Variants in FLI1 observed in about 807,000 individuals in gnomAD.
FLI1 encodes the protein Friend leukemia integration 1 transcription factor.
In FLI1, 13 loss-of-function variants were observed where a neutral mutation model predicts 53.1. The observed-to-expected ratio is 0.24, with a 90% confidence interval of 0.16 to 0.39. The LOEUF (loss-of-function observed/expected upper bound fraction) is 0.39, where lower values mean the gene tolerates loss of function less well. Ranked by LOEUF, FLI1 falls within the 10% of genes least tolerant of loss-of-function variation. The pLI is 1.00. For synonymous variants in FLI1, 244 were observed against 236.7 expected, an observed-to-expected ratio of 1.03 and a Z score of -0.28; for missense variants, 424 against 600.5, an observed-to-expected ratio of 0.71 and a Z score of 3.07.
chr11:128,748,362 G>A, intron 1 of FLI1: 12 of 623,450 alleles, frequency 1.9e-5, no homozygotes, highest in Non-Finnish European at 2.4e-5. Context: ...GTCAGCCGGG[G>A]TCCAGGCACG....
chr11:128,686,847 G>C, intron 1 of FLI1: 1 of 217,624 alleles, frequency 4.6e-6, no homozygotes. Context: ...AAGCTAGGGC[G>C]CTCCTGGCCA....
intron 8 of FLI1, 21 bp downstream of exon 8, chr11:128,809,225 A>C (rs1363400979): frequency 6.2e-7 from 1 of 1,612,052 alleles, no homozygotes; most frequent in Admixed American, 1.7e-5. Context: ...CTTGGCCTGC[A>C]AGCCTTTTTT....
chr11:128,755,229 G>A (rs985560865), intron 1 of FLI1, among the ~76,000 whole-genome samples: 7 of 152,092 alleles, frequency 4.6e-5, no homozygotes, highest in South Asian at 2.1e-4. Context: ...CCTGCCTCCC[G>A]GGCTTCTTTG....
chr11:128,766,259 C>T (rs958430089), intron 2 of FLI1, among the ~76,000 whole-genome samples: 2 of 152,160 alleles, frequency 1.3e-5, no homozygotes, highest in East Asian at 1.9e-4. Context: ...AAGGGCCAAA[C>T]GCTGGTGAAA....
intron 1 of FLI1, among the ~76,000 whole-genome samples, chr11:128,708,223 CCTT>C (rs1208019271): frequency 1.3e-5 from 2 of 152,196 alleles, no homozygotes; most frequent in African/African-American, 2.4e-5. Flanking sequence ...ACACAAGAAT[CCTT>C]CTTACTGTGG....
At chr11:128,749,758 T>C (rs1030861838) in intron 1 of FLI1, among the ~76,000 whole-genome samples, 2 of 152,240 alleles carry the variant, frequency 1.3e-5, no homozygotes, top group Non-Finnish European at 2.9e-5. Flanking sequence ...TCCCACCTTC[T>C]TCCTTATCCA....
Position 128,694,133 on chromosome 11 carries a change from G to C in FLI1, c.-126G>C, listed in dbSNP as rs1057464718. 5.2e-5 allele frequency: 52 copies of C among 993,556 alleles called. No homozygotes were observed. Among genetic ancestry groups the C allele is most frequent in the Non-Finnish European group, 7.1e-6 (5 of 704,942 alleles). The allele number at this position is 993,556 out of a possible 1,614,324, so 61.5% of individuals were successfully genotyped here. Reference sequence around the variant, plus strand: ...GGAGTGAGGGCAGGGCGCTCGCAGGGGGCACGCAGGGAGGGCCCAGGGCGC... The same window carrying C: ...GGAGTGAGGGCAGGGCGCTCGCAGGCGGCACGCAGGGAGGGCCCAGGGCGC... On this transcript the variant is annotated 5_prime_UTR_variant, in exon 1 of 9. Coordinates refer to ENST00000527786, the MANE Select transcript of FLI1 (RefSeq NM_002017.5).
chr11:128,743,262 G>T (rs1268599655), intron 1 of FLI1, among the ~76,000 whole-genome samples: 1 of 152,080 alleles, frequency 6.6e-6, no homozygotes, highest in Non-Finnish European at 1.5e-5. Context: ...AGCTGGCATG[G>T]TGGTGTGTGC....
intron 1 of FLI1, among the ~76,000 whole-genome samples, chr11:128,707,208 A>T (rs1938583059): frequency 6.6e-6 from 1 of 152,180 alleles, no homozygotes; most frequent in Non-Finnish European, 1.5e-5. Context: ...CAAGTTCATG[A>T]ACAGTCAGGA....
At chr11:128,801,501 C>T (rs1420202343) in intron 5 of FLI1, among the ~76,000 whole-genome samples, 1 of 152,228 alleles carries the variant, frequency 6.6e-6, no homozygotes, top group East Asian at 1.9e-4. Flanking sequence ...GAGCAGCATT[C>T]AGGCCTTGAC....
At chr11:128,778,194 G>C (rs145542635) in intron 4 of FLI1, among the ~76,000 whole-genome samples, 7 of 152,232 alleles carry the variant, frequency 4.6e-5, no homozygotes, top group African/African-American at 1.7e-4. Flanking sequence ...AAATAACCAA[G>C]TAGGCAAATC....
chr11:128,736,739 G>A (rs1482106885), intron 1 of FLI1, among the ~76,000 whole-genome samples: 1 of 152,194 alleles, frequency 6.6e-6, no homozygotes, highest in Non-Finnish European at 1.5e-5. Flanking sequence ...CTGCTGTTTT[G>A]TATATGTGTG....
chr11:128,711,323 T>G (rs1938776339), intron 1 of FLI1, among the ~76,000 whole-genome samples: 1 of 152,242 alleles, frequency 6.6e-6, no homozygotes. Flanking sequence ...GAGTCAGCAA[T>G]GTGTTGTCCA....
At chr11:128,763,841 C>T (rs2135821656) in intron 2 of FLI1, among the ~76,000 whole-genome samples, 1 of 152,344 alleles carries the variant, frequency 6.6e-6, no homozygotes, top group Non-Finnish European at 1.5e-5. Flanking sequence ...GTGGCTTTAT[C>T]ATAAGTGATG....
chr11:128,698,733 T>TGAGAGA (rs1555106992), intron 1 of FLI1, among the ~76,000 whole-genome samples: 1 of 133,728 alleles, frequency 7.5e-6, no homozygotes, highest in Non-Finnish European at 1.7e-5. Flanking sequence ...TGTGTGTGTG[T>TGAGAGA]GAGAGAGAGA....
chr11:128,695,310 C>G (rs553905147), intron 1 of FLI1, among the ~76,000 whole-genome samples: 2 of 152,214 alleles, frequency 1.3e-5, no homozygotes, highest in African/African-American at 4.8e-5. Context: ...AGGGACACCC[C>G]CTAACGTGAC....
At chr11:128,754,915 A>T (rs1940802665) in intron 1 of FLI1, among the ~76,000 whole-genome samples, 1 of 152,228 alleles carries the variant, frequency 6.6e-6, no homozygotes, top group Admixed American at 6.5e-5. Context: ...ATTCTTAAGG[A>T]AACTTCTATT....
At chr11:128,800,510 T>C (rs1228091552) in intron 5 of FLI1, among the ~76,000 whole-genome samples, 3 of 152,186 alleles carry the variant, frequency 2.0e-5, no homozygotes, top group African/African-American at 7.2e-5. Flanking sequence ...TTCCCAAAGA[T>C]GTTTGGCCAT....
chr11:128,701,763 C>A (rs374738656), intron 1 of FLI1, among the ~76,000 whole-genome samples: 6 of 152,272 alleles, frequency 3.9e-5, no homozygotes, highest in African/African-American at 1.4e-4. Flanking sequence ...TGCTATGTGT[C>A]CAAGGCAATG....
Sources: allele counts gnomAD v4.1 joint callset (sites outside exome capture counted in the v4.1 genomes callset), GRCh38; gene constraint gnomAD v4.1.1; transcripts MANE v1.5; gene names NCBI Gene and HGNC (gene_info 2026-07-23, HGNC 2026-07-21).